Variants in PPP2R2C observed in about 807,000 individuals in gnomAD.
PPP2R2C encodes the protein protein phosphatase 2, regulatory subunit B, gamma.
PPP2R2C carries 10 observed loss-of-function variants against 45.3 expected under a neutral mutation model. The observed-to-expected ratio is 0.22, with a 90% CI of 0.14 to 0.37. The LOEUF (loss-of-function observed/expected upper bound fraction) is 0.37. PPP2R2C is among the 10% of genes least tolerant of loss of function. The pLI is 1.00. For missense variants in PPP2R2C, 308 were observed against 619.7 expected (o/e 0.50, Z 5.34); for synonymous variants, 257 against 245.4 (o/e 1.05, Z -0.44).
intron 1 of PPP2R2C, among the ~76,000 whole-genome samples, chr4:6,541,377 GATTAATTA>G (rs369730121): frequency 4.6e-5 from 7 of 151,876 alleles, no homozygotes; most frequent in Admixed American, 6.6e-5. Flanking sequence ...TACAGGTCAA[GATTAATTA>G]ATTAATTAAT....
chr4:6,358,041 C>T (rs1713373891), intron 5 of PPP2R2C, among the ~76,000 whole-genome samples: 1 of 152,120 alleles, frequency 6.6e-6, no homozygotes, highest in African/African-American at 2.4e-5. Flanking sequence ...CAATCCTAAG[C>T]AAAAGAACAA....
intron 1 of PPP2R2C, among the ~76,000 whole-genome samples, chr4:6,427,785 G>A (rs1255057412): frequency 6.6e-6 from 1 of 152,246 alleles, no homozygotes; most frequent in African/African-American, 2.4e-5. Flanking sequence ...CCCAGTCTGA[G>A]AGGCTGAAAT....
intron 1 of PPP2R2C, among the ~76,000 whole-genome samples, chr4:6,432,896 C>T (rs753749278): frequency 6.6e-6 from 1 of 152,138 alleles, no homozygotes; most frequent in Non-Finnish European, 1.5e-5. Context: ...AAGACCAACC[C>T]GTCCTCTTCC....
chr4:6,357,335 C>G (rs1164190361), intron 5 of PPP2R2C, among the ~76,000 whole-genome samples: 1 of 152,200 alleles, frequency 6.6e-6, no homozygotes, highest in Admixed American at 6.5e-5. Context: ...GAAATGGACC[C>G]CCTTTTCCTT....
intron 1 of PPP2R2C, among the ~76,000 whole-genome samples, chr4:6,394,023 T>A (rs561077012): frequency 6.6e-6 from 1 of 152,348 alleles, no homozygotes; most frequent in South Asian, 2.1e-4. Flanking sequence ...ACATGCTCCC[T>A]GCCTTCCTTC....
intron 2 of PPP2R2C, among the ~76,000 whole-genome samples, chr4:6,516,028 C>A (rs547719298): frequency 5.3e-5 from 8 of 152,308 alleles, no homozygotes; most frequent in South Asian, 2.1e-4. Context: ...GGTTAAGGAC[C>A]CATCCTGCTC....
At chr4:6,414,070 C>CTGTGTTTG in intron 1 of PPP2R2C, 5 of 1,202,244 alleles carry the variant, frequency 4.2e-6, no homozygotes, top group Admixed American at 3.5e-5. Context: ...TAAGTTTTGC[C>CTGTGTTTG]TGTGTATGTG....
chr4:6,441,981 G>T (rs1419831474), intron 1 of PPP2R2C, among the ~76,000 whole-genome samples: 7 of 152,234 alleles, frequency 4.6e-5, no homozygotes, highest in African/African-American at 1.7e-4. Flanking sequence ...ATAGTGGAAG[G>T]CTCCTGACCA....
chr4:6,452,417 T>C (rs1344634839), intron 1 of PPP2R2C, among the ~76,000 whole-genome samples: 1 of 152,154 alleles, frequency 6.6e-6, no homozygotes, highest in Non-Finnish European at 1.5e-5. Context: ...TGGGATCCCG[T>C]CTGGGGCCTG....
intron 2 of PPP2R2C, among the ~76,000 whole-genome samples, chr4:6,503,546 C>T (rs181765376): frequency 5.3e-4 from 80 of 152,296 alleles, no homozygotes; most frequent in Admixed American, 2.1e-3. Flanking sequence ...TCCCTGTGAA[C>T]GGTAGCCCTT....
intron 2 of PPP2R2C, among the ~76,000 whole-genome samples, chr4:6,494,159 C>T (rs988110262): frequency 1.2e-4 from 18 of 152,192 alleles, no homozygotes; most frequent in Admixed American, 5.9e-4. Flanking sequence ...TGGGGCAGGA[C>T]CCATTGGTCT....
intron 1 of PPP2R2C, chr4:6,555,514 C>T (rs1015271457): frequency 1.3e-5 from 2 of 152,310 alleles, no homozygotes; most frequent in African/African-American, 4.8e-5. Flanking sequence ...TGATCTAAGG[C>T]ATACAGGACA....
chr4:6,524,424 T>C (rs1235678178), intron 2 of PPP2R2C, among the ~76,000 whole-genome samples: 2 of 152,078 alleles, frequency 1.3e-5, no homozygotes, highest in African/African-American at 4.8e-5. Flanking sequence ...GCTTACTGAG[T>C]ATGACAAGTT....
At chr4:6,355,468 T>C (rs981302581) in intron 5 of PPP2R2C, among the ~76,000 whole-genome samples, 1 of 150,138 alleles carries the variant, frequency 6.7e-6, no homozygotes, top group Non-Finnish European at 1.5e-5. Context: ...TGTATACATA[T>C]GTAACTAACC....
At chr4:6,515,489 C>A (rs1296704558) in intron 2 of PPP2R2C, among the ~76,000 whole-genome samples, 1 of 152,228 alleles carries the variant, frequency 6.6e-6, no homozygotes, top group Non-Finnish European at 1.5e-5. Flanking sequence ...GCAAGAGACT[C>A]ATCTCTTTGT....
intron 1 of PPP2R2C, among the ~76,000 whole-genome samples, chr4:6,468,573 T>C (rs1312863934): frequency 1.3e-5 from 2 of 152,118 alleles, no homozygotes; most frequent in Admixed American, 1.3e-4. Context: ...GTCAGGCACA[T>C]GAGAGTGACT....
upstream of PPP2R2C, among the ~76,000 whole-genome samples, chr4:6,472,890 C>G (rs4561986): frequency 0.97 from 146,690 of 151,958 alleles, 71,028 homozygotes; most frequent in East Asian, 1. Context: ...GGCCAAGAGC[C>G]GGGGTGCTGG....
chr4:6,383,918 C>T (rs1716039425), intron 1 of PPP2R2C: 7 of 986,408 alleles, frequency 7.1e-6, no homozygotes, highest in Non-Finnish European at 8.4e-6. Context: ...GAGTCAATGC[C>T]AGCTTTGAGG....
intron 1 of PPP2R2C, among the ~76,000 whole-genome samples, chr4:6,441,806 G>T (rs1720169310): frequency 6.6e-6 from 1 of 152,206 alleles, no homozygotes; most frequent in South Asian, 2.1e-4. Context: ...TCTTCACTGT[G>T]GGTCTCTGAG....
Sources: allele counts gnomAD v4.1 joint callset (sites outside exome capture counted in the v4.1 genomes callset), GRCh38; gene constraint gnomAD v4.1.1; transcripts MANE v1.5; gene names NCBI Gene and HGNC (gene_info 2026-07-23, HGNC 2026-07-21).